Variants in BNC2 observed in about 807,000 individuals in gnomAD.
BNC2 encodes basonuclin zinc finger protein 2, also known as zinc finger protein basonuclin-2.
A neutral mutation model predicts 76.3 loss-of-function variants in BNC2; 20 were observed. The observed-to-expected ratio is 0.26, with a 90% confidence interval of 0.18 to 0.38. BNC2 has a LOEUF of 0.38. Among genes scored for constraint, BNC2 ranks in the 10% least tolerant of loss-of-function variants. The pLI, the probability that BNC2 is intolerant of heterozygous loss-of-function variation, is 1.00. For missense variants in BNC2, 1,382 were observed against 1,399.8 expected (o/e 0.99, Z 0.20); for synonymous variants, 582 against 514.8 (o/e 1.13, Z -1.77).
chr9:16,670,138 GATCT>G (rs1178165897), intron 3 of BNC2, among the ~76,000 whole-genome samples: 1 of 151,984 alleles, frequency 6.6e-6, no homozygotes, highest in Non-Finnish European at 1.5e-5. Flanking sequence ...AATCTTCACT[GATCT>G]ATCATATGTC....
At chr9:16,625,507 C>T (rs377294984) in intron 3 of BNC2, among the ~76,000 whole-genome samples, 5 of 151,964 alleles carry the variant, frequency 3.3e-5, no homozygotes, top group East Asian at 1.9e-4. Context: ...GAAAAGAGAA[C>T]GGGGGAAATA....
intron 5 of BNC2, among the ~76,000 whole-genome samples, chr9:16,534,835 T>C (rs1818080276): frequency 6.6e-6 from 1 of 152,168 alleles, no homozygotes; most frequent in Non-Finnish European, 1.5e-5. Flanking sequence ...ATCAAAACTT[T>C]TATACTTTGG....
At chr9:16,760,290 T>C (rs763330164) in intron 1 of BNC2, among the ~76,000 whole-genome samples, 4 of 152,164 alleles carry the variant, frequency 2.6e-5, no homozygotes, top group South Asian at 4.1e-4. Flanking sequence ...ACCCACACTA[T>C]TGGGTGGAAT....
intron 3 of BNC2, among the ~76,000 whole-genome samples, chr9:16,703,894 T>A (rs1240774320): frequency 6.6e-6 from 1 of 152,070 alleles, no homozygotes; most frequent in Admixed American, 6.5e-5. Flanking sequence ...TATTAAAATG[T>A]GCACACACTC....
chr9:16,779,975 G>T (rs1315477573), intron 1 of BNC2, among the ~76,000 whole-genome samples: 4 of 152,142 alleles, frequency 2.6e-5, no homozygotes, highest in Non-Finnish European at 5.9e-5. Flanking sequence ...GGTGGCTCAC[G>T]CCTGTGATCC....
Position 16,670,872 on chromosome 9 carries a change from CCTCT to C in BNC2, c.330+56921_330+56924del, listed in dbSNP as rs1822455493. Among the ~76,000 whole-genome samples the C allele has an allele frequency of 2.0e-5, 3 of 152,228 alleles. No individual in the cohort carries two copies. The East Asian group carries it at 5.8e-4, about 29-fold the overall frequency. ...TGGGTTCCTTGGACTACTTAAAAAT[CCTCT>C]CTGTCACGTCTCTTATTCTAGCCGC... On this transcript the variant is annotated intron_variant, in intron 3 of 6. Coordinates refer to ENST00000380672, the MANE Select transcript of BNC2 (RefSeq NM_017637.6).
chr9:16,436,380 G>C lies in BNC2; in HGVS notation c.1814C>G (p.Pro605Arg). Reference sequence around the variant, plus strand: ...CACTACTGGCTCAGAGGGTGGCGGGGGGTGCTGCTCTATGGTACCACTGGT... The same window carrying C: ...CACTACTGGCTCAGAGGGTGGCGGGCGGTGCTGCTCTATGGTACCACTGGT... ...IPTSGTIEQHPPPPSEPVVPA... is the reference protein window; with the variant it reads ...IPTSGTIEQHRPPPSEPVVPA... The change falls in exon 6 of 7, where the codon CCC becomes CGC. Residue 605 changes from proline (P) to arginine (R), a missense_variant. This residue lies in a region of BNC2 where 798 missense variants were observed against 775.5 expected (regional missense o/e 1.03). Transcript: ENST00000380672. 6.2e-7 allele frequency: 1 copy of C among 1,614,142 alleles called. No individual in the cohort carries two copies. The highest frequency in any genetic ancestry group is 8.5e-7 in the Non-Finnish European group (1 of 1,180,020).
rs78612438 is a variant in BNC2, at chr9:16,616,629, C to T, written c.331-33544G>A. 3.9e-3 allele frequency among the ~76,000 whole-genome samples: 578 copies of T among 148,884 alleles called. 9 individuals carry two copies. Among genetic ancestry groups the T allele is most frequent in the South Asian group, 0.037 (176 of 4,708 alleles). On this transcript the variant is annotated intron_variant, in intron 3 of 6. Transcript: ENST00000380672. ...ACTTGAGCCCAGGAGATCAAGGCTA[C>T]AGGGAGCTGAGATTGTGGCACTTCA...
chr9:16,755,968 A>G (rs73646238), intron 1 of BNC2, among the ~76,000 whole-genome samples: 7,241 of 152,278 alleles, frequency 0.048, 585 homozygotes, highest in African/African-American at 0.17. Flanking sequence ...CAGTTTTTAC[A>G]ATGTAGAGAT....
intron 3 of BNC2, chr9:16,727,528 A>C: frequency 2.1e-6 from 1 of 472,360 alleles, no homozygotes; most frequent in East Asian, 3.7e-5. Context: ...CCCCTGACCC[A>C]GATTGTACTG....
chr9:16,529,017 T>C (rs1012568480), intron 5 of BNC2, among the ~76,000 whole-genome samples: 40 of 152,316 alleles, frequency 2.6e-4, no homozygotes, highest in African/African-American at 9.4e-4. Context: ...CATGCCTCTC[T>C]CCTAGCTTCC....
At chr9:16,540,578 GC>G (rs1818288460) in intron 5 of BNC2, among the ~76,000 whole-genome samples, 1 of 152,052 alleles carries the variant, frequency 6.6e-6, no homozygotes, top group Admixed American at 6.5e-5. Context: ...AGGCATACAA[GC>G]ATAACTGGCT....
intron 1 of BNC2, among the ~76,000 whole-genome samples, chr9:16,801,288 C>T (rs1034778132): frequency 6.6e-6 from 1 of 152,092 alleles, no homozygotes; most frequent in African/African-American, 2.4e-5. Context: ...ACTCTGTCAC[C>T]CAGGCTGGAG....
intron 5 of BNC2, among the ~76,000 whole-genome samples, chr9:16,524,807 C>G (rs1817741806): frequency 6.6e-6 from 1 of 152,188 alleles, no homozygotes; most frequent in Non-Finnish European, 1.5e-5. Flanking sequence ...GATGCAGTGG[C>G]TCATGCCAGC....
intron 1 of BNC2, among the ~76,000 whole-genome samples, chr9:16,840,926 G>A (rs888554809): frequency 3.5e-4 from 53 of 152,096 alleles, no homozygotes; most frequent in African/African-American, 1.3e-3. Flanking sequence ...AGATAATATT[G>A]TATCTAACAA....
chr9:16,534,943 A>C (rs1392810411), intron 5 of BNC2, among the ~76,000 whole-genome samples: 1 of 152,224 alleles, frequency 6.6e-6, no homozygotes, highest in Non-Finnish European at 1.5e-5. Flanking sequence ...GATGAATCAA[A>C]TATTCATATT....
At chr9:16,833,918 G>A (rs1818641492) in intron 1 of BNC2, among the ~76,000 whole-genome samples, 1 of 152,080 alleles carries the variant, frequency 6.6e-6, no homozygotes, top group Non-Finnish European at 1.5e-5. Context: ...ACAATGGCCT[G>A]TCCACACCTC....
In BNC2 at chr9:16,413,277, T is replaced by C. The variant is rs1263414738; in HGVS notation, c.*5712A>G. 2 of 152,030 alleles carry C rather than the reference T, an allele frequency of 1.3e-5. No individual in the cohort carries two copies. Among genetic ancestry groups the C allele is most frequent in the Non-Finnish European group, 2.9e-5 (2 of 68,008 alleles). 9.4% of individuals were successfully genotyped at this position (152,030 alleles called of 1,614,324 possible). ...AAAGATAGTTTTATGACAACTATAGTATGTTGCTCCAAAAATATATATAGC... is the reference window on the plus strand; with the variant it reads ...AAAGATAGTTTTATGACAACTATAGCATGTTGCTCCAAAAATATATATAGC... On this transcript the variant is annotated 3_prime_UTR_variant, in exon 7 of 7. Transcript: ENST00000380672.
At position 16,451,894 on chromosome 9, in the gene BNC2, G is replaced by GAGTC. The variant is rs550067901; in HGVS notation, c.670-14371_670-14370insGACT. On this transcript the variant is annotated intron_variant, in intron 5 of 6. Transcript: ENST00000380672. ...AGAGTTTATAAATGCTATGAATGTA[G>GAGTC]GACTTGGGAGGCAGCTTAGAAATCA... 7.9e-5 allele frequency among the ~76,000 whole-genome samples: 12 copies of GAGTC among 152,264 alleles called. No homozygotes were observed. In the South Asian group the frequency reaches 2.3e-3, roughly 29 times the overall value.
Sources: gnomAD v4.1 joint callset for allele counts (sites outside exome capture counted in the v4.1 genomes callset) on GRCh38, gnomAD v4.1.1 for gene constraint, gnomAD v4.1.1 regional missense constraint, MANE v1.5 for transcripts, NCBI Gene and HGNC (gene_info 2026-07-23, HGNC 2026-07-21) for gene names.